The following ICA1 variants were observed in gnomAD, a reference collection of about 807,000 sequenced individuals.
ICA1 encodes 69 kDa islet cell autoantigen.
A neutral mutation model predicts 71.0 loss-of-function variants in ICA1; 40 were observed. That is an observed-to-expected ratio of 0.56 (90% CI 0.44 to 0.73). The LOEUF (loss-of-function observed/expected upper bound fraction) is 0.73. ICA1 is among the 30% of genes least tolerant of loss of function. The pLI is 0.00. For missense variants in ICA1, 578 were observed against 576.5 expected (o/e 1.00, Z -0.03); for synonymous variants, 207 against 209.5 (o/e 0.99, Z 0.10).
intron 6 of ICA1, among the ~76,000 whole-genome samples, chr7:8,176,620 G>C (rs1780717177): frequency 6.6e-6 from 1 of 152,184 alleles, no homozygotes; most frequent in Non-Finnish European, 1.5e-5. Flanking sequence ...GACGATAGCA[G>C]AATGAGTGAA....
chr7:8,236,002 T>C lies in ICA1; in HGVS notation c.-76A>G, dbSNP rs142139724. On this transcript the variant is annotated 5_prime_UTR_variant, in exon 2 of 14. Transcript: ENST00000402384. ...AAGCATGAGAGGATAAGTTATATTA[T>C]AACCTGAAATAAAACAAATATGTTT... The C allele has an allele frequency of 6.4e-4, 910 of 1,417,108 alleles. 1 individual carries two copies. The highest frequency in any genetic ancestry group is 5.5e-3 in the African/African-American group (387 of 70,244). 87.8% of individuals were successfully genotyped at this position (1,417,108 alleles called of 1,614,324 possible).
At chr7:8,206,162 G>C (rs1213047008) in intron 6 of ICA1, among the ~76,000 whole-genome samples, 1 of 152,094 alleles carries the variant, frequency 6.6e-6, no homozygotes, top group Non-Finnish European at 1.5e-5. Context: ...AAGCATAACT[G>C]CTTCTTGAAG....
Position 8,128,039 on chromosome 7 carries a change from G to T in ICA1, c.1164C>A (p.Gly388=), listed in dbSNP as rs779229290. 6.2e-7 allele frequency: 1 copy of T among 1,614,126 alleles called. No homozygotes were observed. Among genetic ancestry groups the T allele is most frequent in the Non-Finnish European group, 8.5e-7 (1 of 1,180,016 alleles). ...EIFNASSLEE[G]EFSKEWAAVF... The stretch of plus-strand genomic sequence containing the variant: ...CAGCGGCCCACTCTTTGCTGAACTC[G>T]CCCTCTTCCAAGGAGGAAGCATTGA... Residue 388 remains glycine, a synonymous_variant, in exon 13 of 14, where the codon GGC becomes GGA. Transcript: ENST00000402384.
At chr7:8,244,572 C>T (rs1805219542) in intron 1 of ICA1, among the ~76,000 whole-genome samples, 1 of 152,172 alleles carries the variant, frequency 6.6e-6, no homozygotes, top group African/African-American at 2.4e-5. Context: ...TCTAATTAAA[C>T]TAAAGAGCTT....
At chr7:8,117,019 G>A (rs1785010832) in intron 13 of ICA1, among the ~76,000 whole-genome samples, 1 of 152,128 alleles carries the variant, frequency 6.6e-6, no homozygotes, top group African/African-American at 2.4e-5. Context: ...CTGAATCATG[G>A]GGATGGTTTC....
chr7:8,221,305 C>T lies in ICA1; in HGVS notation c.350G>A (p.Gly117Glu). The change falls in exon 5 of 14, where the codon GGA becomes GAA. Residue 117 changes from glycine (G) to glutamate (E), a missense_variant. By Grantham distance (98) the Gly-to-Glu change is moderately conservative. Transcript: ENST00000402384. ...TRAGKMMQAT[G>E]KALCFSSQQR... The stretch of plus-strand genomic sequence containing the variant: ...CTGGGAAGAAAAGCAGAGGGCCTTT[C>T]CTGTCGCTTGCATCATCTTTCCTGC... 1.2e-6 allele frequency: 2 copies of T among 1,613,762 alleles called. No individual in the cohort carries two copies. Among genetic ancestry groups the T allele is most frequent in the Non-Finnish European group, 1.7e-6 (2 of 1,179,732 alleles).
At chr7:8,248,688 C>T (rs965835955) in intron 1 of ICA1, among the ~76,000 whole-genome samples, 1 of 152,172 alleles carries the variant, frequency 6.6e-6, no homozygotes, top group Non-Finnish European at 1.5e-5. Context: ...TGCACTCCAG[C>T]CTGGGCAGCA....
intron 13 of ICA1, among the ~76,000 whole-genome samples, chr7:8,120,023 G>A (rs1786251998): frequency 6.6e-6 from 1 of 152,088 alleles, no homozygotes; most frequent in Admixed American, 6.6e-5. Flanking sequence ...ACCATACAAT[G>A]AACACCTAGA....
chr7:8,233,151 C>T (rs568868813), intron 2 of ICA1, among the ~76,000 whole-genome samples: 23 of 152,312 alleles, frequency 1.5e-4, no homozygotes, highest in African/African-American at 4.1e-4. Context: ...TCTAACACTA[C>T]AGCCAACACT....
chr7:8,231,449 AAT>A (rs546183877), intron 3 of ICA1, among the ~76,000 whole-genome samples: 6 of 152,338 alleles, frequency 3.9e-5, no homozygotes, highest in East Asian at 3.8e-4. Context: ...CATGTTTATA[AAT>A]ATGTTAGTAT....
chr7:8,185,855 C>T (rs762980964), intron 6 of ICA1, among the ~76,000 whole-genome samples: 1 of 152,178 alleles, frequency 6.6e-6, no homozygotes, highest in Non-Finnish European at 1.5e-5. Flanking sequence ...GTGCTTGGTG[C>T]ATAGTAAGCA....
chr7:8,216,459 T>C (rs1795419757), intron 6 of ICA1, among the ~76,000 whole-genome samples: 1 of 152,114 alleles, frequency 6.6e-6, no homozygotes, highest in Non-Finnish European at 1.5e-5. Context: ...AAAAACATGT[T>C]TTCCAAAATC....
intron 7 of ICA1, 129 bp from the exon 8 acceptor site, chr7:8,157,343 C>A: frequency 1.1e-6 from 1 of 909,232 alleles, no homozygotes. Flanking sequence ...TTCCATGCTT[C>A]CCATTATGCC....
At chr7:8,136,243 C>T (rs1486133810) in intron 12 of ICA1, among the ~76,000 whole-genome samples, 1 of 152,176 alleles carries the variant, frequency 6.6e-6, no homozygotes, top group Non-Finnish European at 1.5e-5. Context: ...TTAGCCATTA[C>T]TTGTCTAACA....
At chr7:8,230,919 T>C (rs1167457233) in intron 3 of ICA1, among the ~76,000 whole-genome samples, 1 of 152,190 alleles carries the variant, frequency 6.6e-6, no homozygotes, top group African/African-American at 2.4e-5. Context: ...GAATGTGTAT[T>C]CTATGTGTGG....
At position 8,244,275 on chromosome 7, in the gene ICA1, T is replaced by C. The variant is rs150673664; in HGVS notation, c.-79-8270A>G. ...ACCACACATCTACAGCTATCTGATC[T>C]TTGACAAATCTGACAAAAACAAGAA... is the stretch of plus-strand genomic sequence containing the variant. On this transcript the variant is annotated intron_variant, in intron 1 of 13. Coordinates refer to ENST00000402384, the MANE Select transcript of ICA1 (RefSeq NM_001136020.3). 5.8e-3 allele frequency among the ~76,000 whole-genome samples: 886 copies of C among 152,306 alleles called. 7 individuals are homozygous for C. Among genetic ancestry groups the C allele is most frequent in the African/African-American group, 0.02 (847 of 41,560 alleles).
intron 3 of ICA1, among the ~76,000 whole-genome samples, 156 bp from the exon 4 acceptor site, chr7:8,228,829 G>A (rs2128451200): frequency 6.6e-6 from 1 of 152,282 alleles, no homozygotes; most frequent in Non-Finnish European, 1.5e-5. Context: ...CAGAAACTGT[G>A]ACCAAAGCCT....
rs1388459564 is a variant in ICA1, at chr7:8,223,912, G to T, written c.257-2514C>A. Among the ~76,000 whole-genome samples, 2 of 152,080 alleles carry T rather than the reference G, an allele frequency of 1.3e-5. No homozygotes were observed. Among genetic ancestry groups the T allele is most frequent in the African/African-American group, 4.8e-5 (2 of 41,418 alleles). ...TTTCAGATGTGCCGTTAAAAACAAG[G>T]CAACTATGGAACTATGAAATTAATT... On this transcript the variant is annotated intron_variant, in intron 4 of 13. Transcript: ENST00000402384. The surrounding 1 kb of genome is among the most constrained non-coding windows in gnomAD (Gnocchi z 4.1).
In ICA1 at chr7:8,144,477, TA is replaced by T. The variant is rs1268035310; in HGVS notation, c.805-506del. Among the ~76,000 whole-genome samples the T allele has an allele frequency of 6.6e-6, 1 of 152,166 alleles. No individual in the cohort carries two copies. Among genetic ancestry groups the T allele is most frequent in the African/African-American group, 2.4e-5 (1 of 41,438 alleles). ...AATAACAGAAAACAAAACCTTTTCT[TA>T]AAAAACCAAAAATAGTGGCTTAACA... On this transcript the variant is annotated intron_variant, in intron 8 of 13. Transcript: ENST00000402384. This position sits in a 1 kb window ranked among gnomAD's most constrained non-coding sequence, Gnocchi z 4.5.
Sources: allele counts gnomAD v4.1 joint callset (sites outside exome capture counted in the v4.1 genomes callset), GRCh38; gene constraint gnomAD v4.1.1; non-coding constraint Gnocchi (gnomAD v3.1); transcripts MANE v1.5; gene names NCBI Gene and HGNC (gene_info 2026-07-23, HGNC 2026-07-21).